The following WWOX variants were observed in gnomAD, a reference collection of about 807,000 sequenced individuals.
WWOX encodes WW domain-containing oxidoreductase.
In WWOX, 69 loss-of-function variants were observed where a neutral mutation model predicts 46.2. The observed-to-expected ratio is 1.49, with a 90% CI of 1.23 to 1.82. WWOX has a LOEUF of 1.82. Among genes scored for constraint, WWOX ranks in the 40% most tolerant of loss-of-function variants. The pLI is 0.00. For missense variants in WWOX, 919 were observed against 542.6 expected (o/e 1.69, Z -6.89); for synonymous variants, 359 against 202.6 (o/e 1.77, Z -6.56).
chr16:78,764,731 A>C (rs2049887873), intron 8 of WWOX, among the ~76,000 whole-genome samples: 1 of 151,002 alleles, frequency 6.6e-6, no homozygotes. Flanking sequence ...CCTCCTTCCT[A>C]AGGCTGTGAG....
chr16:78,389,326 C>CT (rs2082128830), intron 6 of WWOX, among the ~76,000 whole-genome samples: 1 of 152,194 alleles, frequency 6.6e-6, no homozygotes, highest in Admixed American at 6.5e-5. Context: ...AGGAGCACCT[C>CT]TAAAGCCCCA....
intron 8 of WWOX, among the ~76,000 whole-genome samples, chr16:79,159,642 C>T (rs2050446825): frequency 6.6e-6 from 1 of 152,166 alleles, no homozygotes; most frequent in Non-Finnish European, 1.5e-5. Flanking sequence ...CCCCGTGTCC[C>T]CTTGCAGGAC....
chr16:78,779,522 C>T (rs1173015364), intron 8 of WWOX, among the ~76,000 whole-genome samples: 1 of 152,140 alleles, frequency 6.6e-6, no homozygotes, highest in Admixed American at 6.5e-5. Flanking sequence ...TTATTAGTTG[C>T]TCACTCTGTC....
Position 78,654,657 on chromosome 16 carries a change from C to G in WWOX, c.1056+221905C>G, listed in dbSNP as rs72794718. ...TACCTTTCTCTCTCTCTCTCTCTCT[C>G]TGTGTGTATGTGTGTGTGTGTATAA... On this transcript the variant is annotated intron_variant, in intron 8 of 8. Coordinates refer to ENST00000566780, the MANE Select transcript of WWOX (RefSeq NM_016373.4). Among the ~76,000 whole-genome samples, 1,301 of 151,982 alleles carry G rather than the reference C, an allele frequency of 8.6e-3. 8 individuals carry two copies. The highest frequency in any genetic ancestry group is 0.011 in the Non-Finnish European group (763 of 67,942).
At chr16:78,317,711 A>G (rs551041011) in intron 5 of WWOX, among the ~76,000 whole-genome samples, 1 of 152,208 alleles carries the variant, frequency 6.6e-6, no homozygotes, top group Non-Finnish European at 1.5e-5. Flanking sequence ...TAAGCGACTC[A>G]GCAGGTGTGC....
intron 8 of WWOX, among the ~76,000 whole-genome samples, chr16:79,088,063 T>A (rs757778978): frequency 1.6e-4 from 25 of 152,180 alleles, no homozygotes; most frequent in Non-Finnish European, 3.2e-4. Flanking sequence ...CTTGGCCTCT[T>A]TGAGCCCTCT....
rs118035048 is a variant in WWOX at position 78,969,764 on chromosome 16, A to G, written c.1057-241844A>G. 3.7e-3 allele frequency among the ~76,000 whole-genome samples: 560 copies of G among 152,356 alleles called. 10 individuals carry two copies. Among genetic ancestry groups the G allele is most frequent in the Admixed American group, 0.028 (428 of 15,310 alleles). On this transcript the variant is annotated intron_variant, in intron 8 of 8. Coordinates refer to ENST00000566780, the MANE Select transcript of WWOX (RefSeq NM_016373.4). ...CCAGTCACAAAGGACCCTATGTTAT[A>G]TGATTTCATTTACATGAAATACCCC...
At chr16:78,205,745 A>G (rs2036368904) in intron 5 of WWOX, among the ~76,000 whole-genome samples, 1 of 151,068 alleles carries the variant, frequency 6.6e-6, no homozygotes, top group African/African-American at 2.4e-5. Context: ...TCTTCCTTCT[A>G]TCCATCTATT....
intron 4 of WWOX, among the ~76,000 whole-genome samples, chr16:78,124,610 T>C (rs774553159): frequency 2.0e-5 from 3 of 152,336 alleles, no homozygotes; most frequent in Non-Finnish European, 4.4e-5. Context: ...GTGATCTCCC[T>C]TTGGCTTCAT....
At chr16:78,658,885 A>C (rs2142165104) in intron 8 of WWOX, among the ~76,000 whole-genome samples, 1 of 150,010 alleles carries the variant, frequency 6.7e-6, no homozygotes, top group Non-Finnish European at 1.5e-5. Context: ...TGAGGTCAGG[A>C]GTTTGAGACC....
At chr16:78,232,120 A>AT in intron 5 of WWOX, among the ~76,000 whole-genome samples, 1 of 152,210 alleles carries the variant, frequency 6.6e-6, no homozygotes, top group Admixed American at 6.5e-5. Flanking sequence ...AGTATACCTT[A>AT]TTTTTTTTAA....
chr16:79,031,888 GTATACAGATATCTATA>G (rs1387157010), intron 8 of WWOX, among the ~76,000 whole-genome samples: 11 of 67,142 alleles, frequency 1.6e-4, no homozygotes, highest in South Asian at 1.1e-3. Context: ...ACAGATATCT[GTATACAGATATCTATA>G]TATATAGATA....
intron 8 of WWOX, among the ~76,000 whole-genome samples, chr16:78,574,919 G>A (rs1055618956): frequency 2.8e-5 from 4 of 142,304 alleles, no homozygotes; most frequent in Non-Finnish European, 6.1e-5. Context: ...TAATTCGATT[G>A]TGATAATCAT....
intron 5 of WWOX, among the ~76,000 whole-genome samples, chr16:78,211,782 C>T (rs188929195): frequency 3.3e-5 from 5 of 152,256 alleles, no homozygotes; most frequent in African/African-American, 1.2e-4. Context: ...AAGATCTTCC[C>T]AGCAGGGAGA....
rs555396422 is a variant in WWOX at position 78,100,053 on chromosome 16, G to C, written c.107+168G>C. ...GGTCCAGGGTTCCCAGTAGGGGCCG[G>C]CCCCCTTGGTGGGCCTCGGGTCCAG... On this transcript the variant is annotated intron_variant, in intron 1 of 8. Transcript: ENST00000566780. The C allele has an allele frequency of 8.0e-3, 11,251 of 1,410,976 alleles. 72 individuals are homozygous for C. Among genetic ancestry groups the C allele is most frequent in the Non-Finnish European group, 9.0e-3 (9,716 of 1,083,492 alleles). 87.4% of individuals were successfully genotyped at this position (1,410,976 alleles called of 1,614,324 possible).
intron 4 of WWOX, among the ~76,000 whole-genome samples, chr16:78,159,639 A>G (rs919800473): frequency 1.6e-4 from 9 of 55,070 alleles, no homozygotes; most frequent in South Asian, 5.4e-4. Flanking sequence ...AGAATTGTCT[A>G]TTTGGTTCCT....
intron 8 of WWOX, among the ~76,000 whole-genome samples, chr16:78,682,953 G>T (rs1027907290): frequency 6.6e-6 from 1 of 152,082 alleles, no homozygotes; most frequent in African/African-American, 2.4e-5. Flanking sequence ...ATTTCCCCGC[G>T]TAAATGAATG....
At chr16:78,509,438 C>CAA (rs58555890) in intron 8 of WWOX, among the ~76,000 whole-genome samples, 58 of 145,844 alleles carry the variant, frequency 4.0e-4, no homozygotes, top group African/African-American at 1.0e-3. Context: ...GACTCAGTCT[C>CAA]AAAAAAAAAA....
chr16:78,344,065 A>T (rs1478716143), intron 5 of WWOX, among the ~76,000 whole-genome samples: 1 of 119,130 alleles, frequency 8.4e-6, no homozygotes, highest in Admixed American at 8.3e-5. Context: ...GAAATGTTCC[A>T]GAATGCCATT....
Sources: gnomAD v4.1 joint callset for allele counts (sites outside exome capture counted in the v4.1 genomes callset) on GRCh38, gnomAD v4.1.1 for gene constraint, MANE v1.5 for transcripts, NCBI Gene and HGNC (gene_info 2026-07-23, HGNC 2026-07-21) for gene names.